The following TIMD4 variants were observed in gnomAD, a reference collection of about 807,000 sequenced individuals.
TIMD4 encodes T-cell immunoglobulin and mucin domain-containing protein 4.
TIMD4 carries 31 observed loss-of-function variants against 41.2 expected under a neutral mutation model. The ratio of observed to expected loss-of-function variants is 0.75; its 90% CI spans 0.57 to 1.01. TIMD4 has a LOEUF of 1.01. TIMD4 is among the 50% of genes least tolerant of loss of function. TIMD4 has a pLI of 0.00. For synonymous variants in TIMD4, 204 were observed against 177.1 expected, an observed-to-expected ratio of 1.15 and a Z score of -1.21; for missense variants, 479 against 472.5, an observed-to-expected ratio of 1.01 and a Z score of -0.13.
intron 5 of TIMD4, among the ~76,000 whole-genome samples, chr5:156,944,720 T>C (rs1447127160): frequency 6.6e-6 from 1 of 152,114 alleles, no homozygotes; most frequent in African/African-American, 2.4e-5. Flanking sequence ...TTAGCCAGGA[T>C]GGTCTCGATC....
chr5:156,946,474 CT>C (rs946763386), intron 5 of TIMD4, among the ~76,000 whole-genome samples: 5 of 151,770 alleles, frequency 3.3e-5, no homozygotes, highest in African/African-American at 1.2e-4. Flanking sequence ...CAACTCTGAG[CT>C]TTTTTTTGTT....
In TIMD4 at chr5:156,954,174, G is replaced by A. The variant is rs142658879; in HGVS notation, c.400+241C>T. ...TGCAAGGTGGTAATCCCCTAGATAC[G>A]TAGCAGCTGCCTTTTCAGATTGACC... On this transcript the variant is annotated intron_variant, in intron 2 of 8. Transcript: ENST00000274532. 3.5e-3 allele frequency among the ~76,000 whole-genome samples: 525 copies of A among 149,098 alleles called. 1 individual carries two copies. Among genetic ancestry groups the A allele is most frequent in the Middle Eastern group, 0.031 (9 of 294 alleles).
intron 1 of TIMD4, among the ~76,000 whole-genome samples, chr5:156,962,221 T>C (rs893948592): frequency 6.6e-6 from 1 of 152,186 alleles, no homozygotes; most frequent in Non-Finnish European, 1.5e-5. Flanking sequence ...CTATTGTTAT[T>C]AATAATTTCT....
chr5:156,934,709 T>C (rs1759507552), intron 5 of TIMD4, among the ~76,000 whole-genome samples: 1 of 151,892 alleles, frequency 6.6e-6, no homozygotes. Context: ...CAACTCTGAA[T>C]GACTCAAAAA....
intron 5 of TIMD4, among the ~76,000 whole-genome samples, chr5:156,930,994 G>C (rs2113351448): frequency 6.6e-6 from 1 of 152,260 alleles, no homozygotes; most frequent in East Asian, 1.9e-4. Flanking sequence ...TAATTACAAG[G>C]GTCCTTATGA....
intron 1 of TIMD4, among the ~76,000 whole-genome samples, chr5:156,957,999 C>A (rs567079705): frequency 6.6e-6 from 1 of 152,018 alleles, no homozygotes; most frequent in Non-Finnish European, 1.5e-5. Flanking sequence ...TCTGGCCGGG[C>A]GCGGTGGCTC....
chr5:156,963,154 C>G lies in TIMD4; in HGVS notation c.45G>C (p.Trp15Cys). ...CAGAACACTTACTCAGGTAAAGCCACCAAAACTCAATCATCAGCCAGAGAA... is the reference window on the plus strand; with the variant it reads ...CAGAACACTTACTCAGGTAAAGCCAGCAAAACTCAATCATCAGCCAGAGAA... ...PLILWLMIEF[W>C]WLYLTPVTSE... is the part of the protein sequence containing the mutation. The change falls in exon 1 of 9, where the codon TGG (tryptophan) becomes TGC (cysteine). Residue 15 changes from tryptophan to cysteine, a missense_variant. Physicochemically the swap from Trp to Cys is radical, Grantham distance 215. Transcript: ENST00000274532. The G allele has an allele frequency of 6.2e-7, 1 of 1,614,132 alleles. No homozygotes were observed. Among genetic ancestry groups the G allele is most frequent in the Non-Finnish European group, 8.5e-7 (1 of 1,179,990 alleles).
At chr5:156,947,357 T>A (rs1759764295) in intron 5 of TIMD4, among the ~76,000 whole-genome samples, 2 of 152,246 alleles carry the variant, frequency 1.3e-5, no homozygotes, top group African/African-American at 4.8e-5. Flanking sequence ...CACAGCCTTT[T>A]CTGAGAACAT....
intron 1 of TIMD4, among the ~76,000 whole-genome samples, chr5:156,957,665 A>T (rs1262458694): frequency 6.6e-6 from 1 of 152,066 alleles, no homozygotes; most frequent in African/African-American, 2.4e-5. Context: ...ATTAATAACT[A>T]CTAAAATATG....
intron 2 of TIMD4, among the ~76,000 whole-genome samples, chr5:156,952,863 T>C (rs927482464): frequency 3.9e-5 from 6 of 152,212 alleles, no homozygotes; most frequent in African/African-American, 7.2e-5. Context: ...TCCAAAAACA[T>C]TGCATGAATA....
chr5:156,957,517 A>AAAAAAAAAG, intron 1 of TIMD4, among the ~76,000 whole-genome samples: 1 of 151,240 alleles, frequency 6.6e-6, no homozygotes, highest in Non-Finnish European at 1.5e-5. Flanking sequence ...TATCTCAAAA[A>AAAAAAAAAG]AAAAAAAGAA....
chr5:156,919,354 T>C lies in TIMD4; in HGVS notation c.*103A>G, dbSNP rs1447224814. 4 of 1,054,672 alleles carry C rather than the reference T, an allele frequency of 3.8e-6. No homozygotes were observed. Among genetic ancestry groups the C allele is most frequent in the Non-Finnish European group, 5.7e-6 (4 of 699,286 alleles). The allele number at this position is 1,054,672 out of a possible 1,614,324, so 65.3% of individuals were successfully genotyped here. On this transcript the variant is annotated 3_prime_UTR_variant, in exon 9 of 9. Transcript: ENST00000274532. The stretch of plus-strand genomic sequence containing the variant: ...AGCAAGCCTGGATCAATGACATCCA[T>C]GGAATAAGTGAGTCTTTTTTATGAA...
At position 156,931,066 on chromosome 5, in the gene TIMD4, CAG is replaced by C. The variant is rs528366342; in HGVS notation, c.845-4756_845-4755del. On this transcript the variant is annotated intron_variant, in intron 5 of 8. Transcript: ENST00000274532. ...TGTGTGATAAAGGAAGAAGAGATCA[CAG>C]AGAGAGAGAGATATTTGAAGATGCT... 1.3e-4 allele frequency among the ~76,000 whole-genome samples: 19 copies of C among 151,990 alleles called. No homozygotes were observed. In the South Asian group the frequency reaches 3.7e-3, roughly 30 times the overall value.
intron 5 of TIMD4, among the ~76,000 whole-genome samples, chr5:156,944,699 G>A (rs1445211271): frequency 3.9e-5 from 6 of 152,086 alleles, no homozygotes; most frequent in African/African-American, 1.2e-4. Flanking sequence ...TAGAGACGGG[G>A]TTTCACTGTG....
At chr5:156,937,813 T>A (rs1200671584) in intron 5 of TIMD4, among the ~76,000 whole-genome samples, 1 of 152,226 alleles carries the variant, frequency 6.6e-6, no homozygotes, top group Non-Finnish European at 1.5e-5. Context: ...ATTTTGTCTT[T>A]TTCCTTTATC....
chr5:156,936,883 G>A (rs1416840436), intron 5 of TIMD4, among the ~76,000 whole-genome samples: 1 of 148,468 alleles, frequency 6.7e-6, no homozygotes, highest in African/African-American at 2.5e-5. Flanking sequence ...AGTGAGCCGA[G>A]ATGGCGCCCT....
At position 156,924,245 on chromosome 5, in the gene TIMD4, A is replaced by G. The variant is rs185332388; in HGVS notation, c.894+2018T>C. 658 of 393,210 alleles carry G rather than the reference A, an allele frequency of 1.7e-3. 1 individual carries two copies. The highest frequency in any genetic ancestry group is 2.1e-3 in the Non-Finnish European group (415 of 201,636). The allele number at this position is 393,210 out of a possible 1,614,324, so 24.4% of individuals were successfully genotyped here. A position where few individuals can be genotyped will look rare whatever the true frequency, so the allele number is the denominator to read the frequency against. On this transcript the variant is annotated intron_variant, in intron 6 of 8. Transcript: ENST00000274532. ...CATGAAGGTTTATGAGTTTTACTCT[A>G]CTAAGTTCTCGAGGGCTAATCTAAA...
Position 156,919,412 on chromosome 5 carries a change from T to A in TIMD4, c.*45A>T. ...AATCTACTAAGACTTATTTTGACACTGGAGTGTCATGCCCCCATCCTCAAT... is the reference window on the plus strand; with the variant it reads ...AATCTACTAAGACTTATTTTGACACAGGAGTGTCATGCCCCCATCCTCAAT... On this transcript the variant is annotated 3_prime_UTR_variant, in exon 9 of 9. Transcript: ENST00000274532. The A allele has an allele frequency of 6.6e-7, 1 of 1,518,394 alleles. No homozygotes were observed. The highest frequency in any genetic ancestry group is 9.1e-7 in the Non-Finnish European group (1 of 1,095,508). The allele number at this position is 1,518,394 out of a possible 1,614,324, so 94.1% of individuals were successfully genotyped here. A position where few individuals can be genotyped will look rare whatever the true frequency, so the allele number is the denominator to read the frequency against.
intron 5 of TIMD4, among the ~76,000 whole-genome samples, chr5:156,940,597 G>A (rs1395338583): frequency 9.3e-5 from 13 of 140,338 alleles, no homozygotes; most frequent in African/African-American, 3.4e-4. Flanking sequence ...GAGCGCCTCT[G>A]CCCGGCCGCC....
Sources: allele counts gnomAD v4.1 joint callset (sites outside exome capture counted in the v4.1 genomes callset), GRCh38; gene constraint gnomAD v4.1.1; transcripts MANE v1.5; gene names NCBI Gene and HGNC (gene_info 2026-07-23, HGNC 2026-07-21).